The following SLBP variants were observed in gnomAD, a reference collection of about 807,000 sequenced individuals.
The protein encoded by SLBP is stem-loop histone mRNA binding protein.
SLBP carries 29 observed loss-of-function variants against 39.2 expected under a neutral mutation model. The observed-to-expected ratio is 0.74, with a 90% CI of 0.55 to 1.01. SLBP has a LOEUF of 1.01. Among genes scored for constraint, SLBP ranks in the 50% least tolerant of loss-of-function variants. The pLI is 0.00. For synonymous variants in SLBP, 129 were observed against 118.7 expected (o/e 1.09, Z -0.57); for missense variants, 390 against 350.2 (o/e 1.11, Z -0.91).
intron 5 of SLBP, among the ~76,000 whole-genome samples, chr4:1,697,971 TA>T (rs1384999110): frequency 6.6e-6 from 1 of 151,634 alleles, no homozygotes; most frequent in Non-Finnish European, 1.5e-5. Context: ...TATAAAAATT[TA>T]AAAGTTTAGC....
At chr4:1,695,757 G>A (rs891372536) in intron 6 of SLBP, among the ~76,000 whole-genome samples, 2 of 150,846 alleles carry the variant, frequency 1.3e-5, no homozygotes, top group East Asian at 1.9e-4. Flanking sequence ...CTCCAGCCTC[G>A]GTGACAGAGC....
chr4:1,697,222 C>T (rs2109116265), intron 5 of SLBP, among the ~76,000 whole-genome samples: 1 of 138,416 alleles, frequency 7.2e-6, no homozygotes, highest in East Asian at 2.3e-4. Flanking sequence ...AATCCCAGCA[C>T]TTTGGGAGGC....
intron 2 of SLBP, among the ~76,000 whole-genome samples, chr4:1,704,611 AC>A (rs1342478942): frequency 1.3e-5 from 2 of 152,294 alleles, no homozygotes; most frequent in African/African-American, 4.8e-5. Context: ...GTGCAGAGCA[AC>A]TACTCACTTC....
At chr4:1,705,489 CTTGTT>C (rs1298913239) in intron 2 of SLBP, among the ~76,000 whole-genome samples, 2 of 152,160 alleles carry the variant, frequency 1.3e-5, no homozygotes, top group Non-Finnish European at 2.9e-5. Context: ...CTTTAGACTA[CTTGTT>C]TTATTTTGTC....
At chr4:1,705,195 G>C (rs1340764032) in intron 2 of SLBP, among the ~76,000 whole-genome samples, 1 of 151,954 alleles carries the variant, frequency 6.6e-6, no homozygotes, top group Non-Finnish European at 1.5e-5. Context: ...CCAAAGTACT[G>C]GGATTATAGC....
At chr4:1,709,327 G>A (rs920176012) in intron 2 of SLBP, among the ~76,000 whole-genome samples, 12 of 152,196 alleles carry the variant, frequency 7.9e-5, no homozygotes, top group Non-Finnish European at 1.6e-4. Flanking sequence ...GTTGTGAAAA[G>A]CCACAAGAGG....
intron 2 of SLBP, 62 bp from the exon 3 acceptor site, chr4:1,703,762 T>C (rs1716418531): frequency 1.7e-6 from 2 of 1,168,092 alleles, no homozygotes; most frequent in Middle Eastern, 1.9e-4. Flanking sequence ...TCAAACTGTA[T>C]GTCAAGAAAT....
chr4:1,710,023 G>T (rs542805137), intron 2 of SLBP, among the ~76,000 whole-genome samples: 2 of 152,154 alleles, frequency 1.3e-5, no homozygotes, highest in South Asian at 4.1e-4. Flanking sequence ...CTCTTAACCT[G>T]TCTCTTCTCA....
chr4:1,703,966 G>C (rs1490404408), intron 2 of SLBP, among the ~76,000 whole-genome samples: 1 of 152,076 alleles, frequency 6.6e-6, no homozygotes, highest in Admixed American at 6.6e-5. Flanking sequence ...TACTAAACTG[G>C]AGTTTAGCAG....
chr4:1,712,214 C>A lies in SLBP; in HGVS notation c.-26G>T, dbSNP rs1206006765. Reference sequence around the variant, plus strand: ...GGCAGCACGGGCCGGGCGCGCAGCGCAGGGCCGAGGCTGAGGCGGCGGCGG... The same window carrying A: ...GGCAGCACGGGCCGGGCGCGCAGCGAAGGGCCGAGGCTGAGGCGGCGGCGG... On this transcript the variant is annotated 5_prime_UTR_variant, in exon 1 of 8. Coordinates refer to ENST00000489418, the MANE Select transcript of SLBP (RefSeq NM_006527.4). The A allele has an allele frequency of 5.6e-6, 7 of 1,255,628 alleles. No homozygotes were observed. In the African/African-American group the frequency reaches 7.9e-5, roughly 14 times the overall value. The allele number at this position is 1,255,628 out of a possible 1,614,324, so 77.8% of individuals were successfully genotyped here.
chr4:1,708,822 T>C (rs1323191163), intron 2 of SLBP, among the ~76,000 whole-genome samples: 1 of 152,254 alleles, frequency 6.6e-6, no homozygotes, highest in Non-Finnish European at 1.5e-5. Context: ...CCTCCAGGCA[T>C]TATCCACAAT....
At chr4:1,696,128 C>A in intron 6 of SLBP, 74 bp downstream of exon 6, 2 of 1,332,218 alleles carry the variant, frequency 1.5e-6, no homozygotes, top group Non-Finnish European at 2.0e-6. Flanking sequence ...GACCTCCTGT[C>A]CCAGTGGTGC....
At position 1,706,423 on chromosome 4, in the gene SLBP, C is replaced by T. The variant is rs546510967; in HGVS notation, c.177-2723G>A. Among the ~76,000 whole-genome samples the T allele has an allele frequency of 8.5e-5, 13 of 152,322 alleles. No individual in the cohort carries two copies. In the East Asian group the frequency reaches 2.1e-3, roughly 25 times the overall value. ...CAGAGTCCTTGCTGTGTCAGGACTC[C>T]GTCTACTGGCAAAGTACCCCCTGTG... is the stretch of plus-strand genomic sequence containing the variant. On this transcript the variant is annotated intron_variant, in intron 2 of 7. Transcript: ENST00000489418.
chr4:1,703,759 G>C, intron 2 of SLBP, 59 bp from the exon 3 acceptor site: 1 of 1,196,962 alleles, frequency 8.4e-7, no homozygotes, highest in Non-Finnish European at 1.2e-6. Context: ...CTTTCAAACT[G>C]TATGTCAAGA....
At position 1,709,761 on chromosome 4, in the gene SLBP, G is replaced by A. The variant is rs1044279702; in HGVS notation, c.176+2113C>T. ...TGAGTAGCTGGGACTACAGGCGCCC[G>A]CTACCACGCCCGGCTAATTTTTTGT... On this transcript the variant is annotated intron_variant, in intron 2 of 7. Transcript: ENST00000489418. 2.4e-4 allele frequency among the ~76,000 whole-genome samples: 37 copies of A among 152,074 alleles called. 1 individual carries two copies. The highest frequency in any genetic ancestry group is 7.5e-4 in the African/African-American group (31 of 41,408).
rs766310970 is a variant in SLBP, at chr4:1,693,216, T to G, written c.*381A>C. 4 of 171,898 alleles carry G rather than the reference T, an allele frequency of 2.3e-5. No individual in the cohort carries two copies. Among genetic ancestry groups the G allele is most frequent in the African/African-American group, 9.6e-5 (4 of 41,870 alleles). 10.6% of individuals were successfully genotyped at this position (171,898 alleles called of 1,614,324 possible). On this transcript the variant is annotated 3_prime_UTR_variant, in exon 8 of 8. Transcript: ENST00000489418. The stretch of plus-strand genomic sequence containing the variant: ...GCCTATAAAAGTAGCTGACTCTCAA[T>G]TGGTCCCATGGATTACATGGTTAAA...
intron 2 of SLBP, among the ~76,000 whole-genome samples, chr4:1,710,569 T>C (rs537453330): frequency 6.6e-6 from 1 of 152,312 alleles, no homozygotes; most frequent in East Asian, 1.9e-4. Context: ...AGGGCTTCAA[T>C]ATTTAAAAGA....
rs1228557022 is a variant in SLBP, at chr4:1,701,137, C to CT, written c.282-1068dup. Among the ~76,000 whole-genome samples the CT allele has an allele frequency of 3.1e-3, 372 of 120,654 alleles. 1 individual carries two copies. Among genetic ancestry groups the CT allele is most frequent in the African/African-American group, 9.1e-3 (335 of 36,642 alleles). The allele number at this position is 120,654 out of a possible 152,430, so 79.2% of individuals were successfully genotyped here. ...TTCAGGTATGATGAAAATCCATTTTCTTTTTTTTCTTTTTTTTTTTTTTTT... is the reference window on the plus strand; with the variant it reads ...TTCAGGTATGATGAAAATCCATTTTCTTTTTTTTTCTTTTTTTTTTTTTTTT... On this transcript the variant is annotated intron_variant, in intron 3 of 7. Coordinates refer to ENST00000489418, the MANE Select transcript of SLBP (RefSeq NM_006527.4).
intron 5 of SLBP, among the ~76,000 whole-genome samples, chr4:1,698,157 C>T (rs1263891598): frequency 1.3e-5 from 2 of 151,706 alleles, no homozygotes; most frequent in Non-Finnish European, 2.9e-5. Context: ...ATCAGCAGTG[C>T]GAGACCAGCC....
Sources: gnomAD v4.1 joint callset for allele counts (sites outside exome capture counted in the v4.1 genomes callset) on GRCh38, gnomAD v4.1.1 for gene constraint, MANE v1.5 for transcripts, NCBI Gene and HGNC (gene_info 2026-07-23, HGNC 2026-07-21) for gene names.